The following DIP2B variants were observed in gnomAD, a reference collection of about 807,000 sequenced individuals.
The protein encoded by DIP2B is disco-interacting protein 2 homolog B.
Under a neutral mutation model 198.0 loss-of-function variants are expected in DIP2B, and 76 were observed. That is an observed-to-expected ratio of 0.38 (90% CI 0.32 to 0.46). DIP2B has a LOEUF of 0.46. DIP2B is among the 20% of genes least tolerant of loss of function. The probability of loss-of-function intolerance (pLI) is 0.99; values close to 1 mark genes in which losing one functional copy is unlikely to be tolerated. For synonymous variants in DIP2B, 701 were observed against 739.1 expected, an observed-to-expected ratio of 0.95 and a Z score of 0.84; for missense variants, 1,559 against 1,978.4, an observed-to-expected ratio of 0.79 and a Z score of 4.02.
intron 3 of DIP2B, among the ~76,000 whole-genome samples, chr12:50,641,970 G>GA (rs1302271333): frequency 1.3e-5 from 2 of 152,048 alleles, no homozygotes; most frequent in Non-Finnish European, 2.9e-5. Context: ...TTCTTGAACT[G>GA]AAAAACACAG....
intron 1 of DIP2B, among the ~76,000 whole-genome samples, chr12:50,538,027 T>C (rs1310292091): frequency 6.6e-6 from 1 of 152,210 alleles, no homozygotes; most frequent in Non-Finnish European, 1.5e-5. Flanking sequence ...AAAAGAGTAC[T>C]TATTTATTTT....
At chr12:50,690,522 AAAAG>A (rs1042995785) in intron 12 of DIP2B, among the ~76,000 whole-genome samples, 4 of 152,226 alleles carry the variant, frequency 2.6e-5, no homozygotes, top group Non-Finnish European at 5.9e-5. Flanking sequence ...TCCATCTCTT[AAAAG>A]AAAGAAAGAA....
intron 1 of DIP2B, among the ~76,000 whole-genome samples, chr12:50,536,772 T>G (rs1364981322): frequency 6.6e-6 from 1 of 152,190 alleles, no homozygotes; most frequent in Non-Finnish European, 1.5e-5. Flanking sequence ...TTTCTCCAAG[T>G]TGACCAGGCT....
In DIP2B at chr12:50,536,742, A is replaced by G. The variant is rs549890912; in HGVS notation, c.100+31502A>G. ...GCCACCATGCCCAGCTAATTTTTGT[A>G]TTTTTTGGTAGAGACGGTGTTTCTC... is the stretch of plus-strand genomic sequence containing the variant. On this transcript the variant is annotated intron_variant, in intron 1 of 37. Transcript: ENST00000301180. Among the ~76,000 whole-genome samples the G allele has an allele frequency of 3.5e-4, 53 of 151,602 alleles. No individual in the cohort carries two copies. In the South Asian group the frequency reaches 0.011, roughly 31 times the overall value.
At chr12:50,540,547 C>CT (rs55910419) in intron 1 of DIP2B, among the ~76,000 whole-genome samples, 23,502 of 128,360 alleles carry the variant, frequency 0.18, 2,508 homozygotes, top group East Asian at 0.3. Flanking sequence ...TAAAAAAATT[C>CT]TTTTTTTTTT....
Position 50,730,378 on chromosome 12 carries a change from CTCTCTT to C in DIP2B, c.3642-989_3642-984del, listed in dbSNP as rs1230551845. Among the ~76,000 whole-genome samples the C allele has an allele frequency of 4.6e-4, 60 of 130,852 alleles. 1 individual carries two copies. The highest frequency in any genetic ancestry group is 2.1e-3 in the South Asian group (9 of 4,390). 85.8% of individuals were successfully genotyped at this position (130,852 alleles called of 152,430 possible). On this transcript the variant is annotated intron_variant, in intron 30 of 37. Coordinates refer to ENST00000301180, the MANE Select transcript of DIP2B (RefSeq NM_173602.3). ...TTTTTTTGTTTCTTTCTTTCTCTCT[CTCTCTT>C]TTTTTTTTTTTTTTAAAGGAGACAG... is the stretch of plus-strand genomic sequence containing the variant.
intron 3 of DIP2B, among the ~76,000 whole-genome samples, chr12:50,649,752 A>G (rs1006837706): frequency 6.6e-6 from 1 of 152,162 alleles, no homozygotes; most frequent in Non-Finnish European, 1.5e-5. Flanking sequence ...GCTACTCAGG[A>G]TGCTGAGGCA....
At chr12:50,552,415 C>T (rs756845251) in intron 1 of DIP2B, among the ~76,000 whole-genome samples, 44 of 151,884 alleles carry the variant, frequency 2.9e-4, no homozygotes, top group Non-Finnish European at 5.0e-4. Flanking sequence ...TATAGGCGCC[C>T]GCCACCACGC....
chr12:50,539,984 C>T (rs114418890), intron 1 of DIP2B, among the ~76,000 whole-genome samples: 146 of 149,628 alleles, frequency 9.8e-4, no homozygotes, highest in African/African-American at 3.5e-3. Flanking sequence ...TCTATGGCAT[C>T]CCATTACATG....
At position 50,505,027 on chromosome 12, in the gene DIP2B, C is replaced by T. The variant is rs978655909; in HGVS notation, c.-114C>T. 1.5e-5 allele frequency: 12 copies of T among 790,358 alleles called. No homozygotes were observed. Among genetic ancestry groups the T allele is most frequent in the South Asian group, 1.3e-4 (9 of 69,518 alleles). 49.0% of individuals were successfully genotyped at this position (790,358 alleles called of 1,614,324 possible). A position where few individuals can be genotyped will look rare whatever the true frequency, so the allele number is the denominator to read the frequency against. On this transcript the variant is annotated 5_prime_UTR_variant, in exon 1 of 38. Coordinates refer to ENST00000301180, the MANE Select transcript of DIP2B (RefSeq NM_173602.3). ...GGCGGCGGCGGCGGCGGCGGCGGTG[C>T]TGGTGGTGCTCGGCGGCCGGAGCCG...
chr12:50,546,797 T>C (rs892421426), intron 1 of DIP2B, among the ~76,000 whole-genome samples: 10 of 152,162 alleles, frequency 6.6e-5, no homozygotes, highest in South Asian at 4.1e-4. Flanking sequence ...TATGAACTTA[T>C]CACAGCCCCA....
rs183745556 is a variant in DIP2B at position 50,745,530 on chromosome 12, C to A, written c.*691C>A. The A allele has an allele frequency of 2.0e-5, 3 of 152,496 alleles. No homozygotes were observed. Among genetic ancestry groups the A allele is most frequent in the Admixed American group, 1.3e-4 (2 of 15,302 alleles). 9.4% of individuals were successfully genotyped at this position (152,496 alleles called of 1,614,324 possible). On this transcript the variant is annotated 3_prime_UTR_variant, in exon 38 of 38. Transcript: ENST00000301180. ...TAATGTTGTGTAATTGATTAGGTAA[C>A]TAAAAAGCGCAAATTGTTGGCAGGT...
chr12:50,732,627 T>C, intron 32 of DIP2B, 91 bp downstream of exon 32: 1 of 1,518,400 alleles, frequency 6.6e-7, no homozygotes, highest in Non-Finnish European at 9.0e-7. Flanking sequence ...TGCCTGGGCT[T>C]GGGCCCCAGC....
intron 1 of DIP2B, among the ~76,000 whole-genome samples, chr12:50,540,714 A>C (rs1269342287): frequency 1.3e-5 from 2 of 150,900 alleles, no homozygotes; most frequent in Non-Finnish European, 3.0e-5. Flanking sequence ...GCGCCCGGCT[A>C]ATTTTTTGTA....
intron 13 of DIP2B, among the ~76,000 whole-genome samples, 179 bp downstream of exon 13, chr12:50,691,330 C>G (rs1001701408): frequency 6.6e-6 from 1 of 152,100 alleles, no homozygotes; most frequent in South Asian, 2.1e-4. Flanking sequence ...TTAAAGGAAC[C>G]AAAATTCTGG....
chr12:50,686,311 C>G (rs1359618416), intron 11 of DIP2B, among the ~76,000 whole-genome samples: 1 of 152,178 alleles, frequency 6.6e-6, no homozygotes, highest in Non-Finnish European at 1.5e-5. Flanking sequence ...GACCACTAAC[C>G]TCAGTGGACT....
At chr12:50,623,437 A>ACACACTCTCTCT (rs1308369241) in intron 1 of DIP2B, among the ~76,000 whole-genome samples, 2 of 57,164 alleles carry the variant, frequency 3.5e-5, no homozygotes, top group African/African-American at 1.5e-4. Flanking sequence ...ACACACACAC[A>ACACACTCTCTCT]CTCTCTCTCT....
At chr12:50,526,174 T>G (rs1195624790) in intron 1 of DIP2B, among the ~76,000 whole-genome samples, 1 of 152,140 alleles carries the variant, frequency 6.6e-6, no homozygotes, top group African/African-American at 2.4e-5. Flanking sequence ...GGGAGAAGAT[T>G]CCAATGGAAT....
chr12:50,540,063 T>TG (rs1435773017), intron 1 of DIP2B, among the ~76,000 whole-genome samples: 14 of 75,980 alleles, frequency 1.8e-4, no homozygotes, highest in Admixed American at 4.5e-4. Context: ...GTTTTTTTTT[T>TG]TTTTTTTTTT....
Sources: allele counts gnomAD v4.1 joint callset (sites outside exome capture counted in the v4.1 genomes callset), GRCh38; gene constraint gnomAD v4.1.1; transcripts MANE v1.5; gene names NCBI Gene and HGNC (gene_info 2026-07-23, HGNC 2026-07-21).